SGCD: variants seen among roughly 807,000 people sequenced by gnomAD.
SGCD encodes the protein delta-sarcoglycan.
Under a neutral mutation model 36.6 loss-of-function variants are expected in SGCD, and 18 were observed. That is an observed-to-expected ratio of 0.49 (90% CI 0.34 to 0.73). The LOEUF (loss-of-function observed/expected upper bound fraction) is 0.73. Among genes scored for constraint, SGCD ranks in the 30% least tolerant of loss-of-function variants. The probability of loss-of-function intolerance (pLI) is 0.01; values close to 1 mark genes in which losing one functional copy is unlikely to be tolerated. For missense variants in SGCD, 387 were observed against 346.7 expected, an observed-to-expected ratio of 1.12 and a Z score of -0.92; for synonymous variants, 133 against 130.6, an observed-to-expected ratio of 1.02 and a Z score of -0.12.
intron 3 of SGCD, among the ~76,000 whole-genome samples, chr5:156,290,606 A>C (rs1278642240): frequency 6.6e-6 from 1 of 152,186 alleles, no homozygotes; most frequent in East Asian, 1.9e-4. Flanking sequence ...TTCCTGGTAC[A>C]TATTAAATGT....
intron 3 of SGCD, among the ~76,000 whole-genome samples, chr5:156,497,860 G>C (rs11738716): frequency 0.29 from 44,704 of 151,908 alleles, 6,740 homozygotes; most frequent in Non-Finnish European, 0.32. Flanking sequence ...CCTTTCCCTT[G>C]CTGTTGGGTT....
intron 7 of SGCD, among the ~76,000 whole-genome samples, chr5:156,700,650 T>TA (rs929877637): frequency 4.6e-5 from 7 of 151,752 alleles, no homozygotes; most frequent in East Asian, 3.9e-4. Context: ...TCATCCCCTA[T>TA]AAAAAAAATA....
chr5:156,643,342 T>C (rs529567201), intron 6 of SGCD, among the ~76,000 whole-genome samples: 1 of 152,126 alleles, frequency 6.6e-6, no homozygotes, highest in Admixed American at 6.6e-5. Context: ...AATTACTAGT[T>C]GTTTAAACCA....
chr5:155,909,597 T>C (rs749356007), intron 1 of SGCD, among the ~76,000 whole-genome samples: 3 of 152,118 alleles, frequency 2.0e-5, no homozygotes, highest in Non-Finnish European at 4.4e-5. Flanking sequence ...TTATAGAGTA[T>C]TTTAGACTGG....
chr5:155,768,151 G>A, the SGCD span, among the ~76,000 whole-genome samples: 1 of 152,110 alleles, frequency 6.6e-6, no homozygotes, highest in African/African-American at 2.4e-5. Context: ...CTGGAGATGG[G>A]TGGAAGGAAA....
At chr5:156,085,979 T>C (rs966996936) in intron 1 of SGCD, among the ~76,000 whole-genome samples, 2 of 152,262 alleles carry the variant, frequency 1.3e-5, no homozygotes, top group Admixed American at 6.5e-5. Flanking sequence ...TCCTACAAGA[T>C]ACTTGAACGT....
At chr5:156,706,736 G>A (rs1370046147) in intron 7 of SGCD, among the ~76,000 whole-genome samples, 2 of 152,120 alleles carry the variant, frequency 1.3e-5, no homozygotes, top group Non-Finnish European at 2.9e-5. Flanking sequence ...AGGGAAATTG[G>A]AAATAGGGAC....
chr5:156,554,698 A>G (rs1407204844), intron 4 of SGCD, among the ~76,000 whole-genome samples: 2 of 150,944 alleles, frequency 1.3e-5, no homozygotes, highest in Non-Finnish European at 3.0e-5. Context: ...GGTTTCAAGC[A>G]TCCATTGTGG....
intron 3 of SGCD, among the ~76,000 whole-genome samples, chr5:156,184,425 T>C (rs928630545): frequency 6.6e-6 from 1 of 151,422 alleles, no homozygotes; most frequent in Non-Finnish European, 1.5e-5. Context: ...TTGTTAAATA[T>C]ATGCAAATAG....
At chr5:156,047,009 A>G (rs1241300763) in intron 1 of SGCD, among the ~76,000 whole-genome samples, 3 of 152,190 alleles carry the variant, frequency 2.0e-5, no homozygotes, top group African/African-American at 4.8e-5. Flanking sequence ...AAAGTGAAAC[A>G]GCATCATTGC....
chr5:156,408,085 G>A (rs1214361751), intron 3 of SGCD, among the ~76,000 whole-genome samples: 1 of 152,164 alleles, frequency 6.6e-6, no homozygotes, highest in Non-Finnish European at 1.5e-5. Context: ...TCTTAATATT[G>A]CTGTTGAATA....
At chr5:156,277,896 C>T (rs1235918684) in intron 3 of SGCD, among the ~76,000 whole-genome samples, 3 of 152,066 alleles carry the variant, frequency 2.0e-5, no homozygotes, top group Non-Finnish European at 4.4e-5. Flanking sequence ...ACATATGGTC[C>T]CTGATCTCAT....
intron 4 of SGCD, among the ~76,000 whole-genome samples, chr5:156,525,081 T>C (rs1757588142): frequency 2.0e-5 from 3 of 152,134 alleles, no homozygotes; most frequent in African/African-American, 7.2e-5. Context: ...CTGTTGGATA[T>C]GTACCCAGAA....
intron 1 of SGCD, among the ~76,000 whole-genome samples, chr5:155,990,965 C>T (rs530771291): frequency 3.3e-5 from 5 of 152,244 alleles, no homozygotes; most frequent in African/African-American, 1.2e-4. Context: ...CTGAGTGTCT[C>T]TCAGTGTCAC....
chr5:156,237,363 G>A (rs1268142550), intron 3 of SGCD, among the ~76,000 whole-genome samples: 1 of 151,912 alleles, frequency 6.6e-6, no homozygotes, highest in African/African-American at 2.4e-5. Flanking sequence ...GGTGCCTCAT[G>A]CCTGTAATCT....
intron 3 of SGCD, among the ~76,000 whole-genome samples, chr5:156,238,335 A>G (rs1479259297): frequency 2.0e-5 from 3 of 152,146 alleles, no homozygotes; most frequent in Non-Finnish European, 4.4e-5. Flanking sequence ...AGTCCTTTAG[A>G]GTAGGTGGTA....
chr5:155,886,382 G>C (rs978994563), intron 1 of SGCD, among the ~76,000 whole-genome samples: 1 of 152,188 alleles, frequency 6.6e-6, no homozygotes, highest in Non-Finnish European at 1.5e-5. Flanking sequence ...CAAATGTCCA[G>C]ATGAGAGAAT....
upstream of SGCD, among the ~76,000 whole-genome samples, chr5:155,868,382 TAGATG>T (rs1755567787): frequency 8.9e-6 from 1 of 112,428 alleles, no homozygotes; most frequent in Non-Finnish European, 1.7e-5. Flanking sequence ...TTTTTTTTTT[TAGATG>T]AGATCTCACT....
At chr5:156,453,643 G>A (rs1482359532) in intron 3 of SGCD, among the ~76,000 whole-genome samples, 1 of 152,128 alleles carries the variant, frequency 6.6e-6, no homozygotes, top group East Asian at 1.9e-4. Context: ...AGTAGTTAGA[G>A]ACCAAGGATG....
Sources: gnomAD v4.1 joint callset for allele counts (sites outside exome capture counted in the v4.1 genomes callset) on GRCh38, gnomAD v4.1.1 for gene constraint, MANE v1.5 for transcripts, NCBI Gene and HGNC (gene_info 2026-07-23, HGNC 2026-07-21) for gene names.